Variants in KCNB2 observed in about 807,000 individuals in gnomAD.
The protein encoded by KCNB2 is potassium voltage-gated channel subfamily B member 2.
KCNB2 carries 15 observed loss-of-function variants against 61.5 expected under a neutral mutation model. That is an observed-to-expected ratio of 0.24 (90% CI 0.16 to 0.38). The LOEUF is 0.38. Ranked by LOEUF, KCNB2 falls within the 10% of genes least tolerant of loss-of-function variation. The probability of loss-of-function intolerance (pLI) is 1.00; values close to 1 mark genes in which losing one functional copy is unlikely to be tolerated. For synonymous variants in KCNB2, 457 were observed against 446.0 expected, an observed-to-expected ratio of 1.02 and a Z score of -0.31; for missense variants, 828 against 1,125.2, an observed-to-expected ratio of 0.74 and a Z score of 3.78.
At chr8:72,562,439 T>C (rs1439841276) in intron 1 of KCNB2, among the ~76,000 whole-genome samples, 1 of 152,186 alleles carries the variant, frequency 6.6e-6, no homozygotes, top group Non-Finnish European at 1.5e-5. Flanking sequence ...TTGTTGTTTA[T>C]TGTTTACAGA....
rs191913540 is a variant in KCNB2 at position 72,855,143 on chromosome 8, C to T, written c.580-80792C>T. 3.4e-3 allele frequency among the ~76,000 whole-genome samples: 511 copies of T among 152,276 alleles called. 3 individuals carry two copies. The highest frequency in any genetic ancestry group is 0.012 in the African/African-American group (483 of 41,562). On this transcript the variant is annotated intron_variant, in intron 2 of 2. Transcript: ENST00000523207. ...AAAGGCTACTAAAAGCAGTGAGATC[C>T]TTATCATACAGTTATATTTATTAAG...
intron 2 of KCNB2, among the ~76,000 whole-genome samples, chr8:72,743,651 T>G (rs1470664450): frequency 2.0e-5 from 3 of 152,228 alleles, no homozygotes; most frequent in Non-Finnish European, 4.4e-5. Context: ...TTAAATTACT[T>G]GCTTTCTGTA....
At chr8:72,667,719 A>C (rs747323455) in intron 2 of KCNB2, among the ~76,000 whole-genome samples, 2 of 152,010 alleles carry the variant, frequency 1.3e-5, no homozygotes, top group South Asian at 4.2e-4. Flanking sequence ...GGCTCCCTGA[A>C]CTCCATGCTT....
chr8:72,913,904 T>A (rs1806345348), intron 2 of KCNB2, among the ~76,000 whole-genome samples: 1 of 152,214 alleles, frequency 6.6e-6, no homozygotes, highest in Admixed American at 6.5e-5. Context: ...GTACTTTGAA[T>A]ATTGTACTTT....
intron 2 of KCNB2, among the ~76,000 whole-genome samples, chr8:72,697,927 T>G (rs1481249445): frequency 6.6e-6 from 1 of 152,134 alleles, no homozygotes; most frequent in Non-Finnish European, 1.5e-5. Context: ...AGGCCTTCTC[T>G]ATCTGAAATT....
At chr8:72,770,735 C>T (rs1234479370) in intron 2 of KCNB2, among the ~76,000 whole-genome samples, 1 of 152,138 alleles carries the variant, frequency 6.6e-6, no homozygotes, top group East Asian at 1.9e-4. Context: ...AAATTAAGTG[C>T]TCAATAAATG....
At chr8:72,857,066 C>A (rs1000503888) in intron 2 of KCNB2, among the ~76,000 whole-genome samples, 1 of 152,216 alleles carries the variant, frequency 6.6e-6, no homozygotes, top group Admixed American at 6.5e-5. Context: ...AATCTTACTT[C>A]ATTCATTCTT....
intron 2 of KCNB2, among the ~76,000 whole-genome samples, chr8:72,598,787 A>C (rs1243038129): frequency 6.6e-6 from 1 of 152,224 alleles, no homozygotes; most frequent in Admixed American, 6.5e-5. Flanking sequence ...AAAAATCACA[A>C]GCATTCTTAT....
chr8:72,614,931 C>A (rs538099022), intron 2 of KCNB2, among the ~76,000 whole-genome samples: 1 of 152,170 alleles, frequency 6.6e-6, no homozygotes, highest in South Asian at 2.1e-4. Flanking sequence ...AAATATCAAA[C>A]AAGCAGAGGC....
At chr8:72,701,426 T>C (rs1273108933) in intron 2 of KCNB2, among the ~76,000 whole-genome samples, 1 of 152,180 alleles carries the variant, frequency 6.6e-6, no homozygotes, top group Admixed American at 6.6e-5. Context: ...GACAAAGTTA[T>C]CTATTCATAA....
chr8:72,839,347 C>G (rs376878235), intron 2 of KCNB2, among the ~76,000 whole-genome samples: 1 of 152,146 alleles, frequency 6.6e-6, no homozygotes, highest in African/African-American at 2.4e-5. Context: ...GATTCAACTT[C>G]CATTCAGCCA....
chr8:72,600,290 G>T (rs567309269), intron 2 of KCNB2, among the ~76,000 whole-genome samples: 10 of 152,206 alleles, frequency 6.6e-5, no homozygotes, highest in African/African-American at 1.9e-4. Context: ...CATGTCCTTT[G>T]TAGGGACATG....
At chr8:72,563,866 C>T (rs1008318426) in intron 1 of KCNB2, among the ~76,000 whole-genome samples, 1 of 152,176 alleles carries the variant, frequency 6.6e-6, no homozygotes. Flanking sequence ...TATCAGGTAA[C>T]AAGCAGAACA....
chr8:72,724,877 G>C (rs1390713585), intron 2 of KCNB2, among the ~76,000 whole-genome samples: 1 of 152,104 alleles, frequency 6.6e-6, no homozygotes, highest in Admixed American at 6.6e-5. Flanking sequence ...ATTACTAGAA[G>C]TCACAGGTTG....
At chr8:72,646,081 G>A (rs1806125031) in intron 2 of KCNB2, among the ~76,000 whole-genome samples, 1 of 152,074 alleles carries the variant, frequency 6.6e-6, no homozygotes, top group Non-Finnish European at 1.5e-5. Context: ...TTTTGGGAGT[G>A]TGAATCAACT....
chr8:72,688,918 C>T (rs1039718551), intron 2 of KCNB2, among the ~76,000 whole-genome samples: 11 of 152,096 alleles, frequency 7.2e-5, no homozygotes, highest in South Asian at 2.1e-4. Flanking sequence ...TTTGTAGAGA[C>T]GGGTTTCACC....
chr8:72,565,295 C>T (rs76956095), intron 1 of KCNB2, among the ~76,000 whole-genome samples: 3,221 of 152,212 alleles, frequency 0.021, 99 homozygotes, highest in African/African-American at 0.073. Context: ...GAGAATCTTT[C>T]GCCTCCAGAA....
intron 2 of KCNB2, among the ~76,000 whole-genome samples, chr8:72,642,925 C>T (rs1293056955): frequency 3.9e-5 from 6 of 152,100 alleles, no homozygotes; most frequent in South Asian, 2.1e-4. Context: ...TAAAAAGGCA[C>T]ATTTTAAAGC....
chr8:72,855,898 A>G (rs1810199109), intron 2 of KCNB2, among the ~76,000 whole-genome samples: 1 of 152,300 alleles, frequency 6.6e-6, no homozygotes, highest in Middle Eastern at 3.4e-3. Flanking sequence ...CATATAACCT[A>G]TGCACACCCT....
Sources: allele counts gnomAD v4.1 joint callset (sites outside exome capture counted in the v4.1 genomes callset), GRCh38; gene constraint gnomAD v4.1.1; transcripts MANE v1.5; gene names NCBI Gene and HGNC (gene_info 2026-07-23, HGNC 2026-07-21).